CLEC16A: variants seen among roughly 807,000 people sequenced by gnomAD.
CLEC16A encodes C-type lectin domain containing 16A.
A neutral mutation model predicts 109.5 loss-of-function variants in CLEC16A; 51 were observed. The ratio of observed to expected loss-of-function variants is 0.47; its 90% CI spans 0.37 to 0.59. The LOEUF is 0.59. Among genes scored for constraint, CLEC16A ranks in the 20% least tolerant of loss-of-function variants. CLEC16A has a pLI of 0.00. For synonymous variants in CLEC16A, 673 were observed against 564.2 expected, an observed-to-expected ratio of 1.19 and a Z score of -2.73; for missense variants, 1,339 against 1,394.0, an observed-to-expected ratio of 0.96 and a Z score of 0.63.
intron 22 of CLEC16A, among the ~76,000 whole-genome samples, chr16:11,142,196 G>A (rs1046921247): frequency 6.6e-6 from 1 of 152,198 alleles, no homozygotes; most frequent in Non-Finnish European, 1.5e-5. Flanking sequence ...TGGTGTTGCT[G>A]AAACCCACTG....
rs57840433 is a variant in CLEC16A, at chr16:11,103,418, G to C, written c.2117-17197G>C. Among the ~76,000 whole-genome samples, 6 of 152,004 alleles carry C rather than the reference G, an allele frequency of 3.9e-5. No homozygotes were observed. In the East Asian group the frequency reaches 9.7e-4, roughly 25 times the overall value. ...AACATGGTGAAACCCTGTCTCTACT[G>C]AAAATACAAAAATTAGCCAGGCGTG... is the stretch of plus-strand genomic sequence containing the variant. On this transcript the variant is annotated intron_variant, in intron 19 of 23. Transcript: ENST00000409790.
At chr16:11,107,246 ATTTT>A (rs34729335) in intron 19 of CLEC16A, among the ~76,000 whole-genome samples, 1 of 149,430 alleles carries the variant, frequency 6.7e-6, no homozygotes, top group African/African-American at 2.4e-5. Context: ...CCACCAGTAC[ATTTT>A]TTTTTTTCCT....
intron 10 of CLEC16A, among the ~76,000 whole-genome samples, chr16:10,997,401 G>A (rs535697701): frequency 6.6e-6 from 1 of 152,246 alleles, no homozygotes; most frequent in East Asian, 1.9e-4. Context: ...AAACATTTCT[G>A]GTATTCCCAT....
chr16:11,125,508 CCACT>C (rs2052740836), intron 21 of CLEC16A, among the ~76,000 whole-genome samples: 1 of 152,130 alleles, frequency 6.6e-6, no homozygotes, highest in African/African-American at 2.4e-5. Context: ...AGATAAACAC[CCACT>C]CAGAGTTACA....
chr16:11,051,985 T>G (rs569160705), intron 18 of CLEC16A, among the ~76,000 whole-genome samples: 1 of 152,188 alleles, frequency 6.6e-6, no homozygotes, highest in Non-Finnish European at 1.5e-5. Context: ...CCAGTGCAGG[T>G]GAGGTTGGTG....
intron 5 of CLEC16A, among the ~76,000 whole-genome samples, chr16:10,972,266 C>G (rs759824427): frequency 6.6e-6 from 1 of 152,164 alleles, no homozygotes; most frequent in Non-Finnish European, 1.5e-5. Context: ...AGCAGCTGCC[C>G]CTTTGGGGTC....
chr16:10,958,741 G>A (rs1245179442), intron 2 of CLEC16A, among the ~76,000 whole-genome samples: 1 of 152,070 alleles, frequency 6.6e-6, no homozygotes, highest in Non-Finnish European at 1.5e-5. Context: ...TCGTCTCTAC[G>A]TATAATTAAA....
intron 3 of CLEC16A, among the ~76,000 whole-genome samples, chr16:10,967,347 C>T (rs2042562819): frequency 6.6e-6 from 1 of 152,152 alleles, no homozygotes; most frequent in Non-Finnish European, 1.5e-5. Flanking sequence ...TGGTTTATTT[C>T]CTCTTCACCC....
chr16:10,972,830 C>G (rs1365605294), intron 6 of CLEC16A, 108 bp from the exon 7 acceptor site: 1 of 1,186,522 alleles, frequency 8.4e-7, no homozygotes, highest in African/African-American at 1.6e-5. Flanking sequence ...TAGCAGAGGG[C>G]TTTTTCATTG....
chr16:11,062,329 AC>A lies in CLEC16A; in HGVS notation c.2116+1308del, dbSNP rs376895521. On this transcript the variant is annotated intron_variant, in intron 19 of 23. Transcript: ENST00000409790. ...TAAGATATAATTTATATACAAAAAA[AC>A]TCCCCAAGGGTTAGTGTATAATTCA... 1.4e-4 allele frequency among the ~76,000 whole-genome samples: 21 copies of A among 152,070 alleles called. 1 individual carries two copies. The South Asian group carries it at 4.2e-3, about 30-fold the overall frequency.
chr16:11,042,246 C>T lies in CLEC16A; in HGVS notation c.1661-8C>T, dbSNP rs1418535279. The T allele has an allele frequency of 1.9e-6, 3 of 1,568,250 alleles. No homozygotes were observed. Among genetic ancestry groups the T allele is most frequent in the African/African-American group, 2.7e-5 (2 of 73,800 alleles). ...GGTGTGCAAGGCTTACCCTGGTGTG[C>T]TCTGCAGATGGGAAGATCCGGCTGG... On this transcript the variant is annotated splice_region_variant and splice_polypyrimidine_tract_variant and intron_variant, in intron 14 of 23. Transcript: ENST00000409790.
At chr16:10,986,326 C>A (rs1161728960) in intron 10 of CLEC16A, among the ~76,000 whole-genome samples, 2 of 152,066 alleles carry the variant, frequency 1.3e-5, no homozygotes, top group East Asian at 3.8e-4. Context: ...CGGCCTGCTG[C>A]ATTTTTAGAG....
intron 11 of CLEC16A, among the ~76,000 whole-genome samples, chr16:11,013,510 A>G (rs2045561897): frequency 6.6e-6 from 1 of 152,204 alleles, no homozygotes; most frequent in African/African-American, 2.4e-5. Context: ...CACACCTGTA[A>G]TCCCAGAACT....
intron 18 of CLEC16A, among the ~76,000 whole-genome samples, chr16:11,054,638 G>A (rs1344971616): frequency 1.3e-5 from 2 of 152,210 alleles, no homozygotes; most frequent in Non-Finnish European, 2.9e-5. Context: ...CAAAGCCAAG[G>A]CATCCACTTT....
intron 22 of CLEC16A, chr16:11,156,465 C>CCTGCTCCTGGTGCATTCCTGATT (rs2054525060): frequency 1.9e-6 from 1 of 535,372 alleles, no homozygotes; most frequent in East Asian, 7.0e-5. Context: ...AGTGACCCAC[C>CCTGCTCCTGGTGCATTCCTGATT]CTGCTCCTGG....
intron 22 of CLEC16A, chr16:11,150,213 C>T (rs1179377297): frequency 6.6e-6 from 1 of 152,162 alleles, no homozygotes; most frequent in Admixed American, 6.5e-5. Context: ...ATTCTAAATT[C>T]CAAGACATAT....
rs1055127102 is a variant in CLEC16A, at chr16:11,104,370, C to T, written c.2117-16245C>T. The stretch of plus-strand genomic sequence containing the variant: ...TTTCAAACTCTGAGCTCAAGCAATC[C>T]TCCCACCTCAGCCTCCCAAAGGATG... On this transcript the variant is annotated intron_variant, in intron 19 of 23. Transcript: ENST00000409790. Among the ~76,000 whole-genome samples, 4 of 152,148 alleles carry T rather than the reference C, an allele frequency of 2.6e-5. No homozygotes were observed. The South Asian group carries it at 6.2e-4, about 24-fold the overall frequency.
At position 10,989,671 on chromosome 16, in the gene CLEC16A, G is replaced by A. The variant is rs147970085; in HGVS notation, c.1071+6680G>A. On this transcript the variant is annotated intron_variant, in intron 10 of 23. Transcript: ENST00000409790. ...ATTGACAGTCTGTCTGTAGATACCA[G>A]TTTAGCAGTTAGGATGGTTTCCAGA... 2.0e-5 allele frequency among the ~76,000 whole-genome samples: 3 copies of A among 152,284 alleles called. No individual in the cohort carries two copies. In the East Asian group the frequency reaches 5.8e-4, roughly 29 times the overall value.
At chr16:11,027,115 C>G in intron 13 of CLEC16A, 4 of 1,513,396 alleles carry the variant, frequency 2.6e-6, no homozygotes, top group Non-Finnish European at 3.6e-6. Flanking sequence ...GCCACCCAGG[C>G]AAAGCAGGAA....
Sources: gnomAD v4.1 joint callset for allele counts (sites outside exome capture counted in the v4.1 genomes callset) on GRCh38, gnomAD v4.1.1 for gene constraint, MANE v1.5 for transcripts, NCBI Gene and HGNC (gene_info 2026-07-23, HGNC 2026-07-21) for gene names.